Variants in CTNNA3 observed in about 807,000 individuals in gnomAD.
CTNNA3 encodes catenin alpha-3.
Under a neutral mutation model 95.7 loss-of-function variants are expected in CTNNA3, and 76 were observed. The observed-to-expected ratio is 0.79, with a 90% CI of 0.66 to 0.96. The LOEUF (loss-of-function observed/expected upper bound fraction) is 0.96, where lower values mean the gene tolerates loss of function less well. Ranked by LOEUF, CTNNA3 falls within the 40% of genes least tolerant of loss-of-function variation. The pLI is 0.00. For missense variants in CTNNA3, 1,191 were observed against 1,089.8 expected (o/e 1.09, Z -1.31); for synonymous variants, 431 against 374.4 (o/e 1.15, Z -1.74).
chr10:66,493,638 G>A lies in CTNNA3; in HGVS notation c.1531+26979C>T, dbSNP rs141203797. 4.1e-3 allele frequency among the ~76,000 whole-genome samples: 498 copies of A among 121,452 alleles called. 7 individuals carry two copies. Among genetic ancestry groups the A allele is most frequent in the African/African-American group, 0.016 (478 of 30,358 alleles). The allele number at this position is 121,452 out of a possible 152,430, so 79.7% of individuals were successfully genotyped here. On this transcript the variant is annotated intron_variant, in intron 11 of 17. Transcript: ENST00000433211. The stretch of plus-strand genomic sequence containing the variant: ...TTTTTTTGAGACCGAGTCTCGCTCT[G>A]TCGCTCAGGCTGGATGGAGTTCAGT...
At chr10:66,292,802 T>C (rs1389602281) in intron 12 of CTNNA3, among the ~76,000 whole-genome samples, 1 of 152,182 alleles carries the variant, frequency 6.6e-6, no homozygotes, top group Non-Finnish European at 1.5e-5. Flanking sequence ...CCTGCAAATG[T>C]AGAGAGAAAG....
chr10:66,942,285 T>C (rs1039117907), intron 7 of CTNNA3, among the ~76,000 whole-genome samples: 1 of 152,180 alleles, frequency 6.6e-6, no homozygotes, highest in African/African-American at 2.4e-5. Flanking sequence ...AATGATTAAA[T>C]GTCCTTGACG....
intron 2 of CTNNA3, among the ~76,000 whole-genome samples, chr10:67,627,942 T>G (rs969675420): frequency 6.6e-6 from 1 of 151,812 alleles, no homozygotes; most frequent in Non-Finnish European, 1.5e-5. Flanking sequence ...GTGCTTTTGT[T>G]GAGAAAAAGC....
chr10:66,124,240 G>A (rs952417770), intron 13 of CTNNA3, among the ~76,000 whole-genome samples: 16 of 152,086 alleles, frequency 1.1e-4, no homozygotes, highest in Admixed American at 3.9e-4. Context: ...AAAGTTCAAA[G>A]TTCCACAAAT....
chr10:66,384,692 T>C (rs1033516142), intron 11 of CTNNA3, among the ~76,000 whole-genome samples: 2 of 152,158 alleles, frequency 1.3e-5, no homozygotes, highest in African/African-American at 4.8e-5. Flanking sequence ...TAATGGGAAG[T>C]AAAGTACTCC....
chr10:66,884,972 G>A (rs892584238), intron 7 of CTNNA3, among the ~76,000 whole-genome samples: 2 of 152,068 alleles, frequency 1.3e-5, no homozygotes, highest in Admixed American at 1.3e-4. Flanking sequence ...ATACTGATTT[G>A]AGGGTAAATT....
chr10:65,946,480 C>A (rs1305196678), intron 17 of CTNNA3, among the ~76,000 whole-genome samples: 1 of 151,974 alleles, frequency 6.6e-6, no homozygotes, highest in East Asian at 1.9e-4. Context: ...GCTAGCAAAG[C>A]GTTAGTTATT....
At chr10:66,575,451 T>C (rs1842977342) in intron 10 of CTNNA3, among the ~76,000 whole-genome samples, 1 of 152,154 alleles carries the variant, frequency 6.6e-6, no homozygotes, top group African/African-American at 2.4e-5. Flanking sequence ...GCACTGTGCC[T>C]AGTTCTTTCC....
rs1203365150 is a variant in CTNNA3, at chr10:65,918,532, G to A, written c.*1798C>T. The A allele has an allele frequency of 6.6e-6, 1 of 152,148 alleles. No homozygotes were observed. Among genetic ancestry groups the A allele is most frequent in the Non-Finnish European group, 1.5e-5 (1 of 68,018 alleles). 9.4% of individuals were successfully genotyped at this position (152,148 alleles called of 1,614,324 possible). ...AATCTCTATTTGCCTCAATCATCTAGATAATTCTGAAAAACAGAGTCATCT... is the reference window on the plus strand; with the variant it reads ...AATCTCTATTTGCCTCAATCATCTAAATAATTCTGAAAAACAGAGTCATCT... On this transcript the variant is annotated 3_prime_UTR_variant, in exon 18 of 18. Transcript: ENST00000433211.
At chr10:67,156,631 T>C (rs1861319739) in intron 7 of CTNNA3, among the ~76,000 whole-genome samples, 1 of 152,044 alleles carries the variant, frequency 6.6e-6, no homozygotes, top group Non-Finnish European at 1.5e-5. Flanking sequence ...TTCATTCAAC[T>C]GTGGTCAGAA....
chr10:66,438,691 A>C (rs1054188609), intron 11 of CTNNA3, among the ~76,000 whole-genome samples: 1 of 152,032 alleles, frequency 6.6e-6, no homozygotes, highest in Non-Finnish European at 1.5e-5. Context: ...CCCCCTTTCC[A>C]GCGGAGTAAA....
At chr10:67,049,603 G>A (rs959752263) in intron 7 of CTNNA3, among the ~76,000 whole-genome samples, 3 of 152,002 alleles carry the variant, frequency 2.0e-5, no homozygotes, top group African/African-American at 7.2e-5. Context: ...GAACAAAAAA[G>A]GGAAAATAAA....
At chr10:66,694,755 AG>A (rs1335954885) in intron 9 of CTNNA3, among the ~76,000 whole-genome samples, 2 of 152,206 alleles carry the variant, frequency 1.3e-5, no homozygotes, top group African/African-American at 4.8e-5. Flanking sequence ...GTGAATTCCA[AG>A]GGATCACAAA....
At chr10:66,241,838 T>A (rs1292808770) in intron 13 of CTNNA3, among the ~76,000 whole-genome samples, 2 of 150,966 alleles carry the variant, frequency 1.3e-5, no homozygotes, top group South Asian at 2.1e-4. Flanking sequence ...AAACTCCAAA[T>A]ACATGGGAAT....
chr10:66,893,321 T>G (rs895905984), intron 7 of CTNNA3, among the ~76,000 whole-genome samples: 1 of 151,990 alleles, frequency 6.6e-6, no homozygotes, highest in Non-Finnish European at 1.5e-5. Context: ...AATAACTAAA[T>G]AAACTAACAA....
chr10:66,990,255 C>A (rs1215589232), intron 7 of CTNNA3, among the ~76,000 whole-genome samples: 2 of 152,136 alleles, frequency 1.3e-5, no homozygotes, highest in African/African-American at 2.4e-5. Flanking sequence ...CTCCCAATAT[C>A]CACAGCAGCC....
intron 5 of CTNNA3, among the ~76,000 whole-genome samples, chr10:67,242,075 C>T (rs912391911): frequency 1.3e-5 from 2 of 152,160 alleles, no homozygotes; most frequent in African/African-American, 4.8e-5. Context: ...TCTGCGGTGA[C>T]CCAATAGAGA....
At chr10:66,969,416 T>C (rs1387872668) in intron 7 of CTNNA3, among the ~76,000 whole-genome samples, 1 of 152,190 alleles carries the variant, frequency 6.6e-6, no homozygotes, top group African/African-American at 2.4e-5. Flanking sequence ...ATGCTATTGA[T>C]GCACATTTGA....
At chr10:66,594,957 C>T (rs1415302658) in intron 10 of CTNNA3, among the ~76,000 whole-genome samples, 2 of 152,072 alleles carry the variant, frequency 1.3e-5, no homozygotes, top group Admixed American at 6.6e-5. Context: ...GCATCTGGCA[C>T]ATATAAGAAC....
Sources: gnomAD v4.1 joint callset for allele counts (sites outside exome capture counted in the v4.1 genomes callset) on GRCh38, gnomAD v4.1.1 for gene constraint, MANE v1.5 for transcripts, NCBI Gene and HGNC (gene_info 2026-07-23, HGNC 2026-07-21) for gene names.